SLC35F4: variants seen among roughly 807,000 people sequenced by gnomAD.
SLC35F4 encodes the protein chromosome 14 open reading frame 36.
SLC35F4 carries 24 observed loss-of-function variants against 44.2 expected under a neutral mutation model. That is an observed-to-expected ratio of 0.54 (90% CI 0.39 to 0.76). The LOEUF is 0.76. SLC35F4 is among the 30% of genes least tolerant of loss of function. The pLI, the probability that SLC35F4 is intolerant of heterozygous loss-of-function variation, is 0.00. For missense variants in SLC35F4, 562 were observed against 586.1 expected, an observed-to-expected ratio of 0.96 and a Z score of 0.42; for synonymous variants, 238 against 223.6, an observed-to-expected ratio of 1.06 and a Z score of -0.57.
At chr14:57,945,105 T>C (rs1889999174) in intron 1 of SLC35F4, among the ~76,000 whole-genome samples, 1 of 152,212 alleles carries the variant, frequency 6.6e-6, no homozygotes, top group African/African-American at 2.4e-5. Flanking sequence ...TACTATGGCA[T>C]GCATATTCCC....
chr14:57,713,289 GTTTC>G (rs979721015), intron 1 of SLC35F4, among the ~76,000 whole-genome samples: 31 of 152,248 alleles, frequency 2.0e-4, no homozygotes, highest in African/African-American at 7.5e-4. Context: ...ACACAGATCT[GTTTC>G]TTTCTTTCCC....
chr14:57,772,371 C>A (rs1444919526), intron 1 of SLC35F4, among the ~76,000 whole-genome samples: 1 of 132,016 alleles, frequency 7.6e-6, no homozygotes, highest in East Asian at 2.7e-4. Flanking sequence ...TTTGTTTGTT[C>A]TTTTAGTTTT....
At chr14:57,854,590 C>T (rs1886901211) in intron 1 of SLC35F4, among the ~76,000 whole-genome samples, 1 of 152,200 alleles carries the variant, frequency 6.6e-6, no homozygotes, top group Admixed American at 6.5e-5. Flanking sequence ...CCTACCCAAG[C>T]TATCCATCTT....
intron 1 of SLC35F4, among the ~76,000 whole-genome samples, chr14:57,641,921 T>G (rs752185022): frequency 6.6e-5 from 10 of 152,026 alleles, no homozygotes; most frequent in Non-Finnish European, 1.5e-4. Flanking sequence ...TAAAAGCCAT[T>G]ATTTGGGATT....
intron 1 of SLC35F4, among the ~76,000 whole-genome samples, chr14:57,839,843 T>C (rs1304201461): frequency 6.6e-6 from 1 of 152,112 alleles, no homozygotes; most frequent in Non-Finnish European, 1.5e-5. Flanking sequence ...TTTTTAAATA[T>C]TCCACAGGAG....
At chr14:57,911,485 T>A (rs1485618726) in intron 1 of SLC35F4, among the ~76,000 whole-genome samples, 1 of 151,964 alleles carries the variant, frequency 6.6e-6, no homozygotes, top group Non-Finnish European at 1.5e-5. Flanking sequence ...CTGAGAGTGT[T>A]TATCATGAAT....
chr14:57,600,795 C>A lies in SLC35F4; in HGVS notation c.104-6671G>T, dbSNP rs182520430. On this transcript the variant is annotated intron_variant, in intron 1 of 7. Transcript: ENST00000556826. ...TTCAGCTTATTTTAAAACTCATATTCTGTTGATTTCAGTGGCAACAAATAT... is the reference window on the plus strand; with the variant it reads ...TTCAGCTTATTTTAAAACTCATATTATGTTGATTTCAGTGGCAACAAATAT... Among the ~76,000 whole-genome samples the A allele has an allele frequency of 1.8e-3, 277 of 149,952 alleles. 2 individuals carry two copies. Among genetic ancestry groups the A allele is most frequent in the Middle Eastern group, 7.1e-3 (2 of 280 alleles).
At chr14:57,771,082 C>A (rs1263009499) in intron 1 of SLC35F4, among the ~76,000 whole-genome samples, 1 of 152,098 alleles carries the variant, frequency 6.6e-6, no homozygotes, top group Non-Finnish European at 1.5e-5. Context: ...GGCCTGACTG[C>A]TTTTTTAGCA....
At chr14:57,901,323 T>C (rs8018039) in intron 1 of SLC35F4, among the ~76,000 whole-genome samples, 22,340 of 152,242 alleles carry the variant, frequency 0.15, 2,386 homozygotes, top group African/African-American at 0.3. Context: ...ATATACAACA[T>C]AGAATACTAT....
At chr14:57,572,733 A>T (rs1189630405) in intron 4 of SLC35F4, among the ~76,000 whole-genome samples, 2 of 152,222 alleles carry the variant, frequency 1.3e-5, no homozygotes, top group Non-Finnish European at 2.9e-5. Flanking sequence ...AATATTCATA[A>T]TTCAACTGAA....
intron 1 of SLC35F4, among the ~76,000 whole-genome samples, chr14:57,885,964 G>GA (rs34723496): frequency 6.6e-6 from 1 of 151,800 alleles, no homozygotes; most frequent in African/African-American, 2.4e-5. Context: ...TAAGGACTTT[G>GA]AAAAAAAGGG....
intron 1 of SLC35F4, among the ~76,000 whole-genome samples, chr14:57,854,298 G>A (rs1886869241): frequency 6.6e-6 from 1 of 151,966 alleles, no homozygotes; most frequent in African/African-American, 2.4e-5. Flanking sequence ...GTGTCTTGAA[G>A]TAGTTAAATG....
intron 4 of SLC35F4, among the ~76,000 whole-genome samples, chr14:57,577,000 G>A (rs1490895615): frequency 6.6e-6 from 1 of 152,116 alleles, no homozygotes; most frequent in Non-Finnish European, 1.5e-5. Flanking sequence ...GCCAAGATAG[G>A]GGTAAGAGGG....
intron 1 of SLC35F4, among the ~76,000 whole-genome samples, chr14:57,893,612 C>T (rs538043091): frequency 1.9e-4 from 29 of 152,162 alleles, no homozygotes; most frequent in Non-Finnish European, 3.8e-4. Context: ...GTGGGCAACT[C>T]AGTTTAAGCT....
At chr14:57,698,855 A>G (rs2075455577) in intron 1 of SLC35F4, among the ~76,000 whole-genome samples, 1 of 151,972 alleles carries the variant, frequency 6.6e-6, no homozygotes, top group Non-Finnish European at 1.5e-5. Flanking sequence ...CAAACTCCTG[A>G]CCTCAGGAGA....
At chr14:57,754,773 G>A (rs1490335688) in intron 1 of SLC35F4, among the ~76,000 whole-genome samples, 1 of 152,198 alleles carries the variant, frequency 6.6e-6, no homozygotes, top group Non-Finnish European at 1.5e-5. Context: ...AAATAAAAAA[G>A]AAAGAAAAAT....
intron 1 of SLC35F4, among the ~76,000 whole-genome samples, chr14:57,774,074 T>C (rs1175408410): frequency 1.3e-5 from 2 of 152,216 alleles, no homozygotes; most frequent in Non-Finnish European, 2.9e-5. Flanking sequence ...GGGTTGCCTA[T>C]GAGATGCAGC....
chr14:57,769,351 C>G (rs904534498), intron 1 of SLC35F4, among the ~76,000 whole-genome samples: 5 of 152,070 alleles, frequency 3.3e-5, no homozygotes, highest in African/African-American at 1.2e-4. Context: ...GTTTTCCTTG[C>G]AACTGCCTCT....
intron 1 of SLC35F4, among the ~76,000 whole-genome samples, chr14:57,748,561 G>T (rs919845872): frequency 2.6e-5 from 4 of 152,062 alleles, no homozygotes; most frequent in Non-Finnish European, 4.4e-5. Flanking sequence ...ACTGGATCTG[G>T]AAATCTGCAT....
Sources: gnomAD v4.1 joint callset for allele counts (sites outside exome capture counted in the v4.1 genomes callset) on GRCh38, gnomAD v4.1.1 for gene constraint, MANE v1.5 for transcripts, NCBI Gene and HGNC (gene_info 2026-07-23, HGNC 2026-07-21) for gene names.